Variants in ABTB2 observed in about 807,000 individuals in gnomAD.
ABTB2 encodes ankyrin repeat and BTB domain containing 2, also known as ankyrin repeat and BTB/POZ domain-containing protein 2.
In ABTB2, 56 loss-of-function variants were observed where a neutral mutation model predicts 104.1. The observed-to-expected ratio is 0.54, with a 90% CI of 0.43 to 0.67. The LOEUF (loss-of-function observed/expected upper bound fraction) is 0.67, where lower values mean the gene tolerates loss of function less well. ABTB2 is among the 30% of genes least tolerant of loss of function. ABTB2 has a pLI of 0.00. For missense variants in ABTB2, 1,279 were observed against 1,407.7 expected (o/e 0.91, Z 1.46); for synonymous variants, 606 against 608.2 (o/e 1.00, Z 0.05).
intron 3 of ABTB2, among the ~76,000 whole-genome samples, chr11:34,180,651 C>T (rs1324875646): frequency 1.3e-5 from 2 of 152,220 alleles, no homozygotes; most frequent in Non-Finnish European, 2.9e-5. Context: ...CACCTCCTCT[C>T]ATTGCTAGAG....
intron 2 of ABTB2, among the ~76,000 whole-genome samples, chr11:34,200,753 G>A (rs983244818): frequency 5.9e-5 from 9 of 152,124 alleles, no homozygotes; most frequent in Non-Finnish European, 1.2e-4. Context: ...TAAATGACCC[G>A]TCCCAGTTCT....
At chr11:34,187,306 C>T (rs1056102486) in intron 3 of ABTB2, among the ~76,000 whole-genome samples, 1 of 152,162 alleles carries the variant, frequency 6.6e-6, no homozygotes. Context: ...GGGCCAGGGA[C>T]GTCACCAACT....
At chr11:34,321,122 C>A (rs1225603425) in intron 1 of ABTB2, among the ~76,000 whole-genome samples, 1 of 152,220 alleles carries the variant, frequency 6.6e-6, no homozygotes, top group African/African-American at 2.4e-5. Flanking sequence ...GCGGAGGTTG[C>A]AGTGAGCTGA....
At chr11:34,164,635 G>T in intron 9 of ABTB2, 51 bp downstream of exon 9, 3 of 1,418,860 alleles carry the variant, frequency 2.1e-6, no homozygotes, top group Non-Finnish European at 2.8e-6. Context: ...GCTCCTGTGA[G>T]CTTAGTTCAG....
At chr11:34,312,938 C>T (rs187071650) in intron 1 of ABTB2, among the ~76,000 whole-genome samples, 41 of 152,142 alleles carry the variant, frequency 2.7e-4, no homozygotes, top group African/African-American at 9.6e-4. Context: ...TAGCAAGTGG[C>T]AGAGCTGGGG....
intron 1 of ABTB2, among the ~76,000 whole-genome samples, chr11:34,303,455 C>T (rs765580928): frequency 2.6e-5 from 4 of 152,164 alleles, no homozygotes; most frequent in Non-Finnish European, 5.9e-5. Flanking sequence ...AGCAGCATCA[C>T]GTAGAGGTTT....
chr11:34,331,743 CAGA>C (rs1290742395), intron 1 of ABTB2, among the ~76,000 whole-genome samples: 1 of 152,198 alleles, frequency 6.6e-6, no homozygotes, highest in East Asian at 1.9e-4. Flanking sequence ...TTTGCAGAGC[CAGA>C]AGATCTATGT....
chr11:34,289,524 A>G (rs968468411), intron 1 of ABTB2, among the ~76,000 whole-genome samples: 7 of 152,202 alleles, frequency 4.6e-5, no homozygotes, highest in South Asian at 2.1e-4. Flanking sequence ...TTGCCTCCTA[A>G]AGCTATACTA....
chr11:34,328,866 C>T (rs1855099174), intron 1 of ABTB2, among the ~76,000 whole-genome samples: 1 of 152,164 alleles, frequency 6.6e-6, no homozygotes, highest in Admixed American at 6.5e-5. Context: ...CTATTTGCAT[C>T]TACAGCTGAT....
intron 1 of ABTB2, among the ~76,000 whole-genome samples, chr11:34,328,664 G>A (rs954847611): frequency 3.9e-5 from 6 of 152,164 alleles, no homozygotes; most frequent in South Asian, 2.1e-4. Flanking sequence ...GCCGGCCACC[G>A]GGCAGGCATT....
intron 1 of ABTB2, among the ~76,000 whole-genome samples, chr11:34,331,086 T>A (rs1564934061): frequency 1.3e-5 from 2 of 152,192 alleles, no homozygotes; most frequent in African/African-American, 2.4e-5. Context: ...ACGAGGGAGT[T>A]CTGGGTTTCA....
At chr11:34,317,956 C>A (rs1332900156) in intron 1 of ABTB2, among the ~76,000 whole-genome samples, 1 of 149,144 alleles carries the variant, frequency 6.7e-6, no homozygotes, top group Non-Finnish European at 1.5e-5. Context: ...CCCCTCCCCA[C>A]GTCCCCCTCC....
intron 1 of ABTB2, among the ~76,000 whole-genome samples, chr11:34,226,204 T>TTA (rs571373331): frequency 2.5e-5 from 2 of 79,594 alleles, no homozygotes; most frequent in Non-Finnish European, 4.7e-5. Flanking sequence ...GAGAGTCCAT[T>TTA]AAAAAAAAAA....
At chr11:34,195,711 C>G (rs1306388936) in intron 3 of ABTB2, among the ~76,000 whole-genome samples, 4 of 152,218 alleles carry the variant, frequency 2.6e-5, no homozygotes, top group South Asian at 4.1e-4. Flanking sequence ...AAGAACACCT[C>G]TTTCTTGGTA....
At chr11:34,285,937 G>T (rs750348951) in intron 1 of ABTB2, among the ~76,000 whole-genome samples, 4 of 152,180 alleles carry the variant, frequency 2.6e-5, no homozygotes, top group Non-Finnish European at 5.9e-5. Flanking sequence ...CCTTGGGAAA[G>T]GAGTCTCTTG....
At chr11:34,180,215 A>C (rs1372632550) in intron 3 of ABTB2, among the ~76,000 whole-genome samples, 2 of 152,194 alleles carry the variant, frequency 1.3e-5, no homozygotes, top group African/African-American at 4.8e-5. Context: ...ACTCCATCCC[A>C]GCTCATAAAA....
chr11:34,354,307 CAAG>C (rs1855436523), intron 1 of ABTB2, among the ~76,000 whole-genome samples: 1 of 151,878 alleles, frequency 6.6e-6, no homozygotes. Context: ...AAAGGGGGGG[CAAG>C]GAGGAGGTTA....
At chr11:34,244,011 C>T (rs867851773) in intron 1 of ABTB2, among the ~76,000 whole-genome samples, 22 of 152,288 alleles carry the variant, frequency 1.4e-4, no homozygotes, top group Middle Eastern at 6.8e-3. Flanking sequence ...TGCAAAACAG[C>T]CCCCCGCTGA....
chr11:34,176,095 T>C (rs1338411981), intron 3 of ABTB2, among the ~76,000 whole-genome samples: 2 of 151,718 alleles, frequency 1.3e-5, no homozygotes, highest in African/African-American at 4.8e-5. Flanking sequence ...GCCTGCCCAA[T>C]ATGGTGAAAC....
Sources: gnomAD v4.1 joint callset for allele counts (sites outside exome capture counted in the v4.1 genomes callset) on GRCh38, gnomAD v4.1.1 for gene constraint, MANE v1.5 for transcripts, NCBI Gene and HGNC (gene_info 2026-07-23, HGNC 2026-07-21) for gene names.